The following SGCZ variants were observed in gnomAD, a reference collection of about 807,000 sequenced individuals.
SGCZ encodes zeta-sarcoglycan.
A neutral mutation model predicts 41.3 loss-of-function variants in SGCZ; 40 were observed. The ratio of observed to expected loss-of-function variants is 0.97; its 90% CI spans 0.75 to 1.26. SGCZ has a LOEUF of 1.26. Ranked by LOEUF, SGCZ falls within the 50% of genes most tolerant of loss-of-function variation. SGCZ has a pLI of 0.00. For missense variants in SGCZ, 552 were observed against 369.8 expected, an observed-to-expected ratio of 1.49 and a Z score of -4.04; for synonymous variants, 206 against 137.5, an observed-to-expected ratio of 1.50 and a Z score of -3.49.
chr8:14,713,614 T>C (rs1809591897), intron 1 of SGCZ, among the ~76,000 whole-genome samples: 2 of 151,308 alleles, frequency 1.3e-5, no homozygotes, highest in Non-Finnish European at 2.9e-5. Flanking sequence ...TGATATACTT[T>C]GGAAAATAGA....
rs533071290 is a variant in SGCZ at position 14,633,042 on chromosome 8, G to A, written c.40-78116C>T. On this transcript the variant is annotated intron_variant, in intron 1 of 7. Transcript: ENST00000382080. ...TCCCAAAATAGGTAGAGAAGTGATT[G>A]AATTACATGAAATCTCTATTTATAC... 6.1e-4 allele frequency among the ~76,000 whole-genome samples: 92 copies of A among 151,960 alleles called. 1 individual carries two copies. Among genetic ancestry groups the A allele is most frequent in the African/African-American group, 2.1e-3 (89 of 41,490 alleles).
chr8:14,985,868 T>C (rs76054871), intron 1 of SGCZ, among the ~76,000 whole-genome samples: 3,346 of 152,322 alleles, frequency 0.022, 72 homozygotes, highest in South Asian at 0.098. Context: ...GGCAAATGCC[T>C]TGTTTTCAAA....
chr8:14,259,424 T>C (rs1257344989), intron 3 of SGCZ, among the ~76,000 whole-genome samples: 1 of 151,238 alleles, frequency 6.6e-6, no homozygotes. Context: ...GGTTTTCTTC[T>C]AGGGTTTTTA....
rs1355052545 is a variant in SGCZ at position 14,554,877 on chromosome 8, C to T, written c.89G>A (p.Arg30Lys). ...TGGGTAAAGTTGTGCATTCTCAGTC[C>T]TTGGCAGGTTATTCTGTTGGGTTGC... ...ILATQQNNLPRTENAQLYPVG... is the reference protein window; with the variant it reads ...ILATQQNNLPKTENAQLYPVG... Residue 30 changes from arginine (R) to lysine (K), a missense_variant, in exon 2 of 8, where the codon AGG becomes AAG. By Grantham distance (26) the Arg-to-Lys change is conservative. Transcript: ENST00000382080. 7 of 1,612,480 alleles carry T rather than the reference C, an allele frequency of 4.3e-6. No homozygotes were observed. Among genetic ancestry groups the T allele is most frequent in the Non-Finnish European group, 5.1e-6 (6 of 1,179,338 alleles).
intron 1 of SGCZ, among the ~76,000 whole-genome samples, chr8:14,986,345 C>T (rs991764979): frequency 4.6e-5 from 7 of 151,950 alleles, no homozygotes; most frequent in South Asian, 2.1e-4. Flanking sequence ...TAATTTACTT[C>T]GGCGCACACA....
At chr8:14,250,506 G>A (rs996313552) in intron 3 of SGCZ, among the ~76,000 whole-genome samples, 21 of 152,010 alleles carry the variant, frequency 1.4e-4, no homozygotes, top group African/African-American at 4.8e-4. Flanking sequence ...ACATTTACAG[G>A]CCTGCACTAT....
chr8:14,687,867 A>G (rs1808667019), intron 1 of SGCZ, among the ~76,000 whole-genome samples: 1 of 152,010 alleles, frequency 6.6e-6, no homozygotes, highest in South Asian at 2.1e-4. Flanking sequence ...TTGTTTCCTG[A>G]CTTTTTAATG....
At chr8:14,203,734 G>A (rs1444617364) in intron 4 of SGCZ, among the ~76,000 whole-genome samples, 1 of 152,124 alleles carries the variant, frequency 6.6e-6, no homozygotes, top group Non-Finnish European at 1.5e-5. Flanking sequence ...GGGCTATGGA[G>A]AAAGAATCAG....
At chr8:14,180,485 G>A (rs1424728038) in intron 4 of SGCZ, among the ~76,000 whole-genome samples, 1 of 151,916 alleles carries the variant, frequency 6.6e-6, no homozygotes, top group Non-Finnish European at 1.5e-5. Context: ...ATCCAACACT[G>A]AGCACTAGAA....
chr8:14,701,134 T>C (rs1809124141), intron 1 of SGCZ, among the ~76,000 whole-genome samples: 1 of 151,934 alleles, frequency 6.6e-6, no homozygotes, highest in Non-Finnish European at 1.5e-5. Flanking sequence ...TACATGGATC[T>C]TGTTGCAAAA....
chr8:14,980,724 C>T (rs1012137817), intron 1 of SGCZ, among the ~76,000 whole-genome samples: 2 of 139,116 alleles, frequency 1.4e-5, no homozygotes, highest in Admixed American at 7.6e-5. Flanking sequence ...GGAAACTGCC[C>T]CTGTGATTCA....
intron 1 of SGCZ, among the ~76,000 whole-genome samples, chr8:14,571,950 G>A (rs546339198): frequency 6.6e-6 from 1 of 152,224 alleles, no homozygotes; most frequent in East Asian, 1.9e-4. Context: ...GAAAAGGTAG[G>A]TTGGAATGAA....
intron 1 of SGCZ, among the ~76,000 whole-genome samples, chr8:14,618,099 T>A (rs1364394169): frequency 6.6e-6 from 1 of 152,288 alleles, no homozygotes; most frequent in South Asian, 2.1e-4. Flanking sequence ...CAGATATTTA[T>A]GGAGCAAAAC....
intron 1 of SGCZ, among the ~76,000 whole-genome samples, chr8:14,647,916 G>T (rs1807275799): frequency 6.6e-6 from 1 of 151,762 alleles, no homozygotes; most frequent in Non-Finnish European, 1.5e-5. Context: ...TTCTTGTTTG[G>T]GTATTCCTCC....
At chr8:14,169,024 C>T (rs927227682) in intron 4 of SGCZ, among the ~76,000 whole-genome samples, 13 of 152,096 alleles carry the variant, frequency 8.5e-5, no homozygotes, top group Non-Finnish European at 1.3e-4. Flanking sequence ...ATATGTTATA[C>T]GTAATGCACT....
At chr8:14,158,380 C>A (rs1037615344) in intron 5 of SGCZ, among the ~76,000 whole-genome samples, 1 of 151,868 alleles carries the variant, frequency 6.6e-6, no homozygotes, top group Non-Finnish European at 1.5e-5. Context: ...CCGGGTAATG[C>A]GATCTCCACA....
intron 1 of SGCZ, chr8:14,879,080 T>G (rs1804478374): frequency 6.6e-6 from 1 of 152,064 alleles, no homozygotes; most frequent in Non-Finnish European, 1.5e-5. Context: ...ATTCCAACAC[T>G]TTGGGAGGAT....
At chr8:14,845,356 C>T (rs1373841847) in intron 1 of SGCZ, among the ~76,000 whole-genome samples, 1 of 152,146 alleles carries the variant, frequency 6.6e-6, no homozygotes, top group African/African-American at 2.4e-5. Context: ...TTCTACATAA[C>T]TCAGTTGTAT....
At chr8:14,273,874 T>C (rs990791625) in intron 3 of SGCZ, among the ~76,000 whole-genome samples, 1 of 152,166 alleles carries the variant, frequency 6.6e-6, no homozygotes, top group Non-Finnish European at 1.5e-5. Context: ...CCCTAGTATC[T>C]TAGAAGTCTG....
Sources: allele counts gnomAD v4.1 joint callset (sites outside exome capture counted in the v4.1 genomes callset), GRCh38; gene constraint gnomAD v4.1.1; transcripts MANE v1.5; gene names NCBI Gene and HGNC (gene_info 2026-07-23, HGNC 2026-07-21).